HSPA4L: variants seen among roughly 807,000 people sequenced by gnomAD.
HSPA4L encodes the protein heat shock 70 kDa protein 4L.
A neutral mutation model predicts 100.3 loss-of-function variants in HSPA4L; 48 were observed. That is an observed-to-expected ratio of 0.48 (90% confidence interval 0.38 to 0.61). The LOEUF (loss-of-function observed/expected upper bound fraction) is 0.61. Ranked by LOEUF, HSPA4L falls within the 20% of genes least tolerant of loss-of-function variation. The pLI is 0.00. For missense variants in HSPA4L, 886 were observed against 988.6 expected (o/e 0.90, Z 1.39); for synonymous variants, 319 against 328.2 (o/e 0.97, Z 0.30).
rs1362283927 is a variant in HSPA4L, at chr4:127,833,711, A to AT, written c.*838dup. Reference sequence around the variant, plus strand: ...TGATGTTCATAGCCTTGTTTCAGTTATAATAGTTGTCTTGTTTTTTTCTTA... The same window carrying AT: ...TGATGTTCATAGCCTTGTTTCAGTTATTAATAGTTGTCTTGTTTTTTTCTTA... On this transcript the variant is annotated 3_prime_UTR_variant, in exon 19 of 19. Coordinates refer to ENST00000296464, the MANE Select transcript of HSPA4L (RefSeq NM_014278.4). 2 of 152,162 alleles carry AT rather than the reference A, an allele frequency of 1.3e-5. No homozygotes were observed. Among genetic ancestry groups the AT allele is most frequent in the Non-Finnish European group, 2.9e-5 (2 of 68,006 alleles). 9.4% of individuals were successfully genotyped at this position (152,162 alleles called of 1,614,324 possible).
intron 13 of HSPA4L, among the ~76,000 whole-genome samples, chr4:127,819,947 G>C (rs1050465222): frequency 6.6e-6 from 1 of 151,994 alleles, no homozygotes; most frequent in Non-Finnish European, 1.5e-5. Context: ...AGTTTTGCGG[G>C]GGTGTGTATT....
At chr4:127,810,500 G>A (rs1291672540) in intron 11 of HSPA4L, among the ~76,000 whole-genome samples, 1 of 152,192 alleles carries the variant, frequency 6.6e-6, no homozygotes, top group Non-Finnish European at 1.5e-5. Flanking sequence ...GCTCATGCCT[G>A]TAATCCTAGC....
At chr4:127,782,077 T>TC, upstream of HSPA4L, 1 of 455,278 alleles carries the variant, frequency 2.2e-6, no homozygotes, top group Admixed American at 2.4e-5. Context: ...TAGCCTCCTT[T>TC]CCCCGATCCT....
chr4:127,791,300 T>C (rs534926648), intron 1 of HSPA4L, among the ~76,000 whole-genome samples: 4 of 152,270 alleles, frequency 2.6e-5, no homozygotes, highest in Admixed American at 2.0e-4. Context: ...CTGGGCCCCA[T>C]TGGAAGAAGA....
chr4:127,817,371 T>C (rs1028566212), intron 12 of HSPA4L, among the ~76,000 whole-genome samples: 1 of 152,222 alleles, frequency 6.6e-6, no homozygotes, highest in Non-Finnish European at 1.5e-5. Flanking sequence ...TTAGCTCCTC[T>C]TTGGCAGAAA....
chr4:127,826,400 G>GA lies in HSPA4L; in HGVS notation c.2047-905_2047-904insA, dbSNP rs1553934901. Reference sequence around the variant, plus strand: ...TGACAGAGCAAGACCCTGTCCCAATGGAAAAAAAAAATGCAGTACTTGCTT... The same window carrying GA: ...TGACAGAGCAAGACCCTGTCCCAATGAGAAAAAAAAAATGCAGTACTTGCTT... On this transcript the variant is annotated intron_variant, in intron 16 of 18. Coordinates refer to ENST00000296464, the MANE Select transcript of HSPA4L (RefSeq NM_014278.4). Among the ~76,000 whole-genome samples the GA allele has an allele frequency of 2.8e-4, 42 of 151,008 alleles. 1 individual carries two copies. Among genetic ancestry groups the GA allele is most frequent in the East Asian group, 7.7e-4 (4 of 5,178 alleles).
At position 127,838,515 on chromosome 4, in the gene HSPA4L, G is replaced by C. The variant is rs948875165; in HGVS notation, c.*5641G>C. 1.3e-5 allele frequency: 2 copies of C among 152,164 alleles called. No individual in the cohort carries two copies. The highest frequency in any genetic ancestry group is 2.9e-5 in the Non-Finnish European group (2 of 68,024). 9.4% of individuals were successfully genotyped at this position (152,164 alleles called of 1,614,324 possible). ...AAATCCATAACAAAAAAAATTAATA[G>C]TATGCTCTTTGCTTTGGAATCTCTA... On this transcript the variant is annotated 3_prime_UTR_variant, in exon 19 of 19. Transcript: ENST00000296464.
intron 12 of HSPA4L, chr4:127,813,435 T>C (rs1004684347): frequency 2.2e-4 from 88 of 393,718 alleles, no homozygotes; most frequent in Non-Finnish European, 4.1e-5. Context: ...GCTTTCTTAT[T>C]TGAATTGAGG....
intron 1 of HSPA4L, among the ~76,000 whole-genome samples, chr4:127,789,505 G>A (rs1216301244): frequency 1.3e-5 from 2 of 151,982 alleles, no homozygotes; most frequent in South Asian, 2.1e-4. Context: ...AAAATTAGCC[G>A]GGCATGGTGG....
chr4:127,804,976 G>T, intron 8 of HSPA4L, 97 bp from the exon 9 acceptor site: 1 of 671,548 alleles, frequency 1.5e-6, no homozygotes, highest in Non-Finnish European at 2.4e-6. Context: ...TTTCTGACAA[G>T]TAAAAAGTCA....
At chr4:127,802,996 G>T (rs1353217413) in intron 6 of HSPA4L, among the ~76,000 whole-genome samples, 1 of 152,038 alleles carries the variant, frequency 6.6e-6, no homozygotes, top group South Asian at 2.1e-4. Flanking sequence ...TAGATGTTTG[G>T]TCCTATGTTT....
chr4:127,823,130 T>C (rs1392916340), intron 15 of HSPA4L, among the ~76,000 whole-genome samples: 1 of 152,128 alleles, frequency 6.6e-6, no homozygotes, highest in Non-Finnish European at 1.5e-5. Flanking sequence ...CATTCTGTCC[T>C]TCCATGATTT....
At chr4:127,817,528 A>ATT (rs1360039265) in intron 12 of HSPA4L, among the ~76,000 whole-genome samples, 1 of 152,080 alleles carries the variant, frequency 6.6e-6, no homozygotes, top group East Asian at 1.9e-4. Flanking sequence ...AAAAAAATCT[A>ATT]TTATATATAT....
chr4:127,796,089 A>G (rs1395045731), intron 3 of HSPA4L, among the ~76,000 whole-genome samples, 181 bp downstream of exon 3: 4 of 152,162 alleles, frequency 2.6e-5, no homozygotes, highest in Non-Finnish European at 5.9e-5. Flanking sequence ...TAATTTTTTC[A>G]TTCAAATCAC....
intron 1 of HSPA4L, among the ~76,000 whole-genome samples, chr4:127,783,960 A>G (rs534826574): frequency 6.6e-6 from 1 of 152,358 alleles, no homozygotes; most frequent in Non-Finnish European, 1.5e-5. Context: ...TATATTTTCA[A>G]TACATGGGCA....
intron 12 of HSPA4L, among the ~76,000 whole-genome samples, chr4:127,817,447 A>G (rs545192820): frequency 6.6e-6 from 1 of 152,288 alleles, no homozygotes; most frequent in Admixed American, 6.5e-5. Context: ...GTAGTTGAAG[A>G]CCTAACTTAT....
At chr4:127,792,476 C>T (rs1578690999) in intron 1 of HSPA4L, among the ~76,000 whole-genome samples, 1 of 152,184 alleles carries the variant, frequency 6.6e-6, no homozygotes, top group Non-Finnish European at 1.5e-5. Context: ...TATATTTGTT[C>T]TTGTATATTC....
intron 17 of HSPA4L, among the ~76,000 whole-genome samples, chr4:127,829,164 G>T (rs923192101): frequency 3.9e-5 from 6 of 152,136 alleles, no homozygotes; most frequent in African/African-American, 1.4e-4. Context: ...AAAACTCAAA[G>T]ATGTGTGATA....
intron 7 of HSPA4L, 59 bp from the exon 8 acceptor site, chr4:127,803,952 T>C (rs1733271704): frequency 1.2e-6 from 2 of 1,608,400 alleles, no homozygotes; most frequent in Admixed American, 1.7e-5. Context: ...TTTGTTGTTT[T>C]AGAAGATACG....
Sources: gnomAD v4.1 joint callset for allele counts (sites outside exome capture counted in the v4.1 genomes callset) on GRCh38, gnomAD v4.1.1 for gene constraint, MANE v1.5 for transcripts, NCBI Gene and HGNC (gene_info 2026-07-23, HGNC 2026-07-21) for gene names.